Variants in JMJD1C observed in about 807,000 individuals in gnomAD.
JMJD1C encodes jumonji domain-containing protein 1C.
Under a neutral mutation model 245.3 loss-of-function variants are expected in JMJD1C, and 31 were observed. The ratio of observed to expected loss-of-function variants is 0.13; its 90% CI spans 0.09 to 0.17. The LOEUF (loss-of-function observed/expected upper bound fraction) is 0.17. Ranked by LOEUF, JMJD1C falls within the 10% of genes least tolerant of loss-of-function variation. The pLI is 1.00. For synonymous variants in JMJD1C, 1,057 were observed against 1,017.4 expected, an observed-to-expected ratio of 1.04 and a Z score of -0.74; for missense variants, 2,691 against 3,000.2, an observed-to-expected ratio of 0.90 and a Z score of 2.41.
At chr10:63,327,165 CCA>C (rs1941615244) in intron 2 of JMJD1C, among the ~76,000 whole-genome samples, 1 of 152,044 alleles carries the variant, frequency 6.6e-6, no homozygotes, top group South Asian at 2.1e-4. Flanking sequence ...CCAGCGTGAG[CCA>C]CAGACTGAGA....
chr10:63,298,117 A>G (rs971941521), intron 2 of JMJD1C, among the ~76,000 whole-genome samples: 1 of 152,208 alleles, frequency 6.6e-6, no homozygotes, highest in African/African-American at 2.4e-5. Flanking sequence ...AGCAGCCAGT[A>G]TGCCTGGCTG....
At chr10:63,436,051 T>C (rs577308414) in intron 1 of JMJD1C, among the ~76,000 whole-genome samples, 1 of 152,292 alleles carries the variant, frequency 6.6e-6, no homozygotes, top group South Asian at 2.1e-4. Context: ...TCAACAACAG[T>C]GCATTGGAAG....
intron 2 of JMJD1C, among the ~76,000 whole-genome samples, chr10:63,308,860 TA>T (rs1306946599): frequency 6.7e-6 from 1 of 149,672 alleles, no homozygotes; most frequent in Non-Finnish European, 1.5e-5. Flanking sequence ...TGAAAGGGCC[TA>T]ACACAACAGA....
At chr10:63,227,941 G>C (rs1360207853) in intron 3 of JMJD1C, among the ~76,000 whole-genome samples, 1 of 152,258 alleles carries the variant, frequency 6.6e-6, no homozygotes, top group South Asian at 2.1e-4. Context: ...ACTTATACAA[G>C]AATCCATTTT....
intron 2 of JMJD1C, among the ~76,000 whole-genome samples, chr10:63,351,424 G>A (rs535417595): frequency 2.6e-5 from 4 of 152,148 alleles, no homozygotes; most frequent in South Asian, 4.1e-4. Context: ...ATAATCTAAC[G>A]TGAATAATTC....
chr10:63,394,231 A>G (rs1211719258), intron 1 of JMJD1C, among the ~76,000 whole-genome samples: 1 of 152,024 alleles, frequency 6.6e-6, no homozygotes. Flanking sequence ...ATGGCATCAA[A>G]AAAAACTAGA....
intron 2 of JMJD1C, among the ~76,000 whole-genome samples, chr10:63,280,954 C>G (rs1857305795): frequency 6.6e-6 from 1 of 151,552 alleles, no homozygotes; most frequent in Non-Finnish European, 1.5e-5. Context: ...GATCCTTTAC[C>G]TCTTTTTCTT....
chr10:63,212,738 T>G (rs1161450926), intron 8 of JMJD1C, among the ~76,000 whole-genome samples: 3 of 152,032 alleles, frequency 2.0e-5, no homozygotes, highest in Non-Finnish European at 4.4e-5. Context: ...AAGAACAATT[T>G]GATAATATAT....
At chr10:63,446,729 AAG>A (rs1951741126) in intron 1 of JMJD1C, among the ~76,000 whole-genome samples, 1 of 152,234 alleles carries the variant, frequency 6.6e-6, no homozygotes, top group African/African-American at 2.4e-5. Context: ...CAGTAAAATG[AAG>A]ACTGGAAAAT....
At chr10:63,418,868 G>A (rs556775500) in intron 1 of JMJD1C, among the ~76,000 whole-genome samples, 15 of 152,036 alleles carry the variant, frequency 9.9e-5, no homozygotes, top group Non-Finnish European at 2.2e-4. Flanking sequence ...CACGAGGTCA[G>A]GAGTTCGAGA....
intron 1 of JMJD1C, among the ~76,000 whole-genome samples, chr10:63,509,185 C>T (rs1379918948): frequency 2.0e-5 from 3 of 152,148 alleles, no homozygotes; most frequent in African/African-American, 7.2e-5. Flanking sequence ...TGACACAACC[C>T]TGTGATTTTC....
At chr10:63,459,128 T>C (rs186816115) in intron 1 of JMJD1C, among the ~76,000 whole-genome samples, 85 of 152,298 alleles carry the variant, frequency 5.6e-4, no homozygotes, top group Admixed American at 2.9e-3. Context: ...ATGTAACATC[T>C]CTGAAGGATT....
At chr10:63,211,704 G>C (rs1263392060) in intron 8 of JMJD1C, among the ~76,000 whole-genome samples, 1 of 150,114 alleles carries the variant, frequency 6.7e-6, no homozygotes, top group African/African-American at 2.5e-5. Flanking sequence ...CTTAACTTCA[G>C]AAAGCTGTCA....
chr10:63,230,019 A>G (rs1162123332), intron 3 of JMJD1C, among the ~76,000 whole-genome samples: 2 of 152,236 alleles, frequency 1.3e-5, no homozygotes, highest in East Asian at 3.8e-4. Flanking sequence ...AACCTTAAAG[A>G]CAATGTCTAG....
intron 10 of JMJD1C, among the ~76,000 whole-genome samples, chr10:63,205,352 T>C (rs1564601235): frequency 6.6e-6 from 1 of 152,336 alleles, no homozygotes; most frequent in Admixed American, 6.5e-5. Flanking sequence ...TCCACATTCA[T>C]ATTACTCTGA....
chr10:63,192,264 A>T (rs1844925935), intron 16 of JMJD1C, among the ~76,000 whole-genome samples: 2 of 143,958 alleles, frequency 1.4e-5, no homozygotes, highest in South Asian at 4.4e-4. Context: ...AAACTAAAAA[A>T]AAAAAAAAAA....
At chr10:63,319,400 T>A (rs1020260926) in intron 2 of JMJD1C, among the ~76,000 whole-genome samples, 4 of 152,066 alleles carry the variant, frequency 2.6e-5, no homozygotes, top group Admixed American at 6.5e-5. Context: ...TTTAGCATTT[T>A]CTTTATCTCT....
chr10:63,442,614 T>C (rs1012244361), intron 1 of JMJD1C, among the ~76,000 whole-genome samples: 5 of 152,164 alleles, frequency 3.3e-5, no homozygotes, highest in Admixed American at 3.3e-4. Context: ...ATGTGGCAAG[T>C]GTTTCTGTTT....
chr10:63,396,725 T>C (rs1177128142), intron 1 of JMJD1C, among the ~76,000 whole-genome samples: 1 of 151,934 alleles, frequency 6.6e-6, no homozygotes, highest in Non-Finnish European at 1.5e-5. Flanking sequence ...TTCTATTTTG[T>C]AGAGAAGAGA....
Sources: allele counts gnomAD v4.1 joint callset (sites outside exome capture counted in the v4.1 genomes callset), GRCh38; gene constraint gnomAD v4.1.1; transcripts MANE v1.5; gene names NCBI Gene and HGNC (gene_info 2026-07-23, HGNC 2026-07-21).